The following GALNT2 variants were observed in gnomAD, a reference collection of about 807,000 sequenced individuals.
GALNT2 encodes polypeptide N-acetylgalactosaminyltransferase 2, also known as UDP-GalNAc:polypeptide N-acetylgalactosaminyltransferase 2.
A neutral mutation model predicts 81.4 loss-of-function variants in GALNT2; 31 were observed. The ratio of observed to expected loss-of-function variants is 0.38; its 90% CI spans 0.29 to 0.51. The LOEUF (loss-of-function observed/expected upper bound fraction) is 0.51, where lower values mean the gene tolerates loss of function less well. Among genes scored for constraint, GALNT2 ranks in the 20% least tolerant of loss-of-function variants. The probability of loss-of-function intolerance (pLI) is 0.87; values close to 1 mark genes in which losing one functional copy is unlikely to be tolerated. For synonymous variants in GALNT2, 303 were observed against 287.4 expected (o/e 1.05, Z -0.55); for missense variants, 629 against 765.7 (o/e 0.82, Z 2.11).
intron 1 of GALNT2, among the ~76,000 whole-genome samples, chr1:230,117,198 C>T (rs1009596887): frequency 1.3e-5 from 2 of 152,238 alleles, no homozygotes; most frequent in Non-Finnish European, 2.9e-5. Flanking sequence ...AGCTTCCTCA[C>T]ACACGGTTAG....
rs140184627 is a variant in GALNT2, at chr1:230,097,591, A to G, written c.126+30185A>G. Reference sequence around the variant, plus strand: ...TGTCGGAATTGCCTTTTGAAGGCTGAGTAATATTCCATTTTGGAGGCTGAG... The same window carrying G: ...TGTCGGAATTGCCTTTTGAAGGCTGGGTAATATTCCATTTTGGAGGCTGAG... On this transcript the variant is annotated intron_variant, in intron 1 of 15. Coordinates refer to ENST00000366672, the MANE Select transcript of GALNT2 (RefSeq NM_004481.5). Among the ~76,000 whole-genome samples the G allele has an allele frequency of 3.7e-4, 56 of 152,358 alleles. 1 individual carries two copies. The highest frequency in any genetic ancestry group is 1.3e-3 in the African/African-American group (54 of 41,582).
chr1:230,133,193 T>C (rs1231714831), intron 1 of GALNT2, among the ~76,000 whole-genome samples: 1 of 152,246 alleles, frequency 6.6e-6, no homozygotes, highest in Non-Finnish European at 1.5e-5. Flanking sequence ...ATGAACCTTT[T>C]TATGTAAACC....
intron 2 of GALNT2, among the ~76,000 whole-genome samples, chr1:230,178,831 G>A (rs1230795009): frequency 1.3e-5 from 2 of 152,072 alleles, no homozygotes; most frequent in Non-Finnish European, 2.9e-5. Flanking sequence ...ACATTCTGTG[G>A]GTTTGGACAA....
At chr1:230,234,284 G>A (rs1032025739) in intron 3 of GALNT2, among the ~76,000 whole-genome samples, 1 of 152,110 alleles carries the variant, frequency 6.6e-6, no homozygotes, top group Non-Finnish European at 1.5e-5. Flanking sequence ...GTTGGAGGGG[G>A]TGGGGAGGAG....
chr1:230,135,238 G>A (rs1227697556), intron 1 of GALNT2, among the ~76,000 whole-genome samples: 4 of 151,994 alleles, frequency 2.6e-5, no homozygotes, highest in Non-Finnish European at 4.4e-5. Flanking sequence ...TCCTAGACTC[G>A]GGGGTGGGGA....
At chr1:230,153,693 A>G (rs1351137268) in intron 1 of GALNT2, among the ~76,000 whole-genome samples, 1 of 152,224 alleles carries the variant, frequency 6.6e-6, no homozygotes, top group Non-Finnish European at 1.5e-5. Context: ...CTCAGTTGTG[A>G]AAAGTTTCTT....
chr1:230,254,888 T>C (rs1665661511), intron 10 of GALNT2, among the ~76,000 whole-genome samples: 1 of 152,266 alleles, frequency 6.6e-6, no homozygotes, highest in African/African-American at 2.4e-5. Flanking sequence ...CATGATCTTA[T>C]GCCAAGAGGC....
intron 3 of GALNT2, among the ~76,000 whole-genome samples, chr1:230,224,946 C>G (rs1245651688): frequency 6.6e-6 from 1 of 152,218 alleles, no homozygotes; most frequent in Non-Finnish European, 1.5e-5. Flanking sequence ...CGAATAATTT[C>G]GAAGTGAGAC....
At chr1:230,125,586 T>C (rs1661148864) in intron 1 of GALNT2, among the ~76,000 whole-genome samples, 1 of 152,204 alleles carries the variant, frequency 6.6e-6, no homozygotes, top group Non-Finnish European at 1.5e-5. Flanking sequence ...AAATCTGAAG[T>C]TGTACAAAGG....
At chr1:230,161,523 T>C (rs1662437761) in intron 1 of GALNT2, among the ~76,000 whole-genome samples, 1 of 152,190 alleles carries the variant, frequency 6.6e-6, no homozygotes, top group African/African-American at 2.4e-5. Context: ...CCAAAATCCA[T>C]TCTTTTCATG....
chr1:230,268,851 C>G (rs1390311319), intron 14 of GALNT2, among the ~76,000 whole-genome samples: 1 of 152,222 alleles, frequency 6.6e-6, no homozygotes, highest in Non-Finnish European at 1.5e-5. Context: ...GGATTCCTCT[C>G]TGCACAGTGC....
chr1:230,102,387 A>G (rs1450255694), intron 1 of GALNT2, among the ~76,000 whole-genome samples: 2 of 152,198 alleles, frequency 1.3e-5, no homozygotes, highest in Non-Finnish European at 2.9e-5. Flanking sequence ...CAATGGCAGC[A>G]TCAAAATAAA....
intron 3 of GALNT2, among the ~76,000 whole-genome samples, chr1:230,209,662 C>T (rs1398605589): frequency 3.9e-5 from 6 of 152,058 alleles, no homozygotes; most frequent in South Asian, 2.1e-4. Flanking sequence ...GGCAACATAG[C>T]GAAACCCCAT....
chr1:230,182,505 G>A (rs1208098843), intron 2 of GALNT2, among the ~76,000 whole-genome samples: 4 of 152,156 alleles, frequency 2.6e-5, no homozygotes, highest in Non-Finnish European at 2.9e-5. Flanking sequence ...ATTTAGAAGT[G>A]CGTTGTTTAG....
In GALNT2 at chr1:230,243,551, C is replaced by G; in HGVS notation, c.729+124C>G. 1 of 1,235,640 alleles carries G rather than the reference C, an allele frequency of 8.1e-7. No individual in the cohort carries two copies. The highest frequency in any genetic ancestry group is 1.6e-5 in the South Asian group (1 of 61,150). 76.5% of individuals were successfully genotyped at this position (1,235,640 alleles called of 1,614,324 possible). A position where few individuals can be genotyped will look rare whatever the true frequency, so the allele number is the denominator to read the frequency against. On this transcript the variant is annotated intron_variant, in intron 7 of 15. Coordinates refer to ENST00000366672, the MANE Select transcript of GALNT2 (RefSeq NM_004481.5). The surrounding 1 kb of genome is among the most constrained non-coding windows in gnomAD (Gnocchi z 4.2). Reference sequence around the variant, plus strand: ...GGCGTCAGGGCTGGTAGGGGCTGAGCTCGCCGTCTGCAGTTTTCCTTGATA... The same window carrying G: ...GGCGTCAGGGCTGGTAGGGGCTGAGGTCGCCGTCTGCAGTTTTCCTTGATA...
At chr1:230,146,920 A>C (rs1273602267) in intron 1 of GALNT2, among the ~76,000 whole-genome samples, 2 of 151,950 alleles carry the variant, frequency 1.3e-5, no homozygotes, top group Non-Finnish European at 2.9e-5. Context: ...TACCGCCTGC[A>C]CTGTCAGATC....
intron 3 of GALNT2, among the ~76,000 whole-genome samples, chr1:230,207,588 A>G (rs1369770955): frequency 6.6e-6 from 1 of 152,124 alleles, no homozygotes; most frequent in African/African-American, 2.4e-5. Context: ...ATGATAGCCC[A>G]TCTTATTTTT....
rs543310184 is a variant in GALNT2, at chr1:230,222,757, A to G, written c.375-13257A>G. Among the ~76,000 whole-genome samples the G allele has an allele frequency of 3.3e-5, 5 of 152,312 alleles. No homozygotes were observed. The South Asian group carries it at 1.0e-3, about 32-fold the overall frequency. On this transcript the variant is annotated intron_variant, in intron 3 of 15. Coordinates refer to ENST00000366672, the MANE Select transcript of GALNT2 (RefSeq NM_004481.5). The stretch of plus-strand genomic sequence containing the variant: ...AATTGAGATTTTCGTTCCAGGTGCT[A>G]TGCTAAGCAATTTACACACATTACT...
chr1:230,255,188 C>A, intron 10 of GALNT2, 30 bp from the exon 11 acceptor site: 1 of 1,614,166 alleles, frequency 6.2e-7, no homozygotes. Flanking sequence ...CAGGCTCTGT[C>A]AGTCACCTGT....
Sources: allele counts gnomAD v4.1 joint callset (sites outside exome capture counted in the v4.1 genomes callset), GRCh38; gene constraint gnomAD v4.1.1; non-coding constraint Gnocchi (gnomAD v3.1); transcripts MANE v1.5; gene names NCBI Gene and HGNC (gene_info 2026-07-23, HGNC 2026-07-21).